The following FIG4 variants were observed in gnomAD, a reference collection of about 807,000 sequenced individuals.
FIG4 encodes the protein polyphosphoinositide phosphatase.
Under a neutral mutation model 118.6 loss-of-function variants are expected in FIG4, and 112 were observed. The ratio of observed to expected loss-of-function variants is 0.94; its 90% CI spans 0.81 to 1.11. The LOEUF (loss-of-function observed/expected upper bound fraction) is 1.11, where lower values mean the gene tolerates loss of function less well. Ranked by LOEUF, FIG4 falls within the 50% of genes least tolerant of loss-of-function variation. FIG4 has a pLI of 0.00. For missense variants in FIG4, 969 were observed against 1,111.7 expected (o/e 0.87, Z 1.83); for synonymous variants, 369 against 381.2 (o/e 0.97, Z 0.37).
At chr6:109,737,757 A>G (rs748199766) in intron 6 of FIG4, among the ~76,000 whole-genome samples, 18 of 152,202 alleles carry the variant, frequency 1.2e-4, no homozygotes, top group Admixed American at 5.9e-4. Context: ...GCCTGACATC[A>G]TAATAACTGC....
At chr6:109,743,026 A>C in intron 8 of FIG4, 84 bp from the exon 9 acceptor site, 1 of 1,184,062 alleles carries the variant, frequency 8.4e-7, no homozygotes, top group Non-Finnish European at 1.2e-6. Flanking sequence ...CATTGAAAGA[A>C]TAGGAATTAT....
intron 3 of FIG4, 148 bp downstream of exon 3, chr6:109,716,716 A>C (rs181402347): frequency 2.1e-6 from 2 of 934,324 alleles, no homozygotes; most frequent in Non-Finnish European, 3.4e-6. Context: ...TTATCCATCA[A>C]TCAGATAGCA....
At chr6:109,823,909 G>T (rs770274684) in intron 22 of FIG4, among the ~76,000 whole-genome samples, 6 of 152,130 alleles carry the variant, frequency 3.9e-5, no homozygotes, top group Non-Finnish European at 8.8e-5. Context: ...TTGTCATTGT[G>T]CCCCCCAGCC....
At chr6:109,713,769 G>A (rs1407036786) in intron 1 of FIG4, among the ~76,000 whole-genome samples, 5 of 152,118 alleles carry the variant, frequency 3.3e-5, no homozygotes, top group Non-Finnish European at 7.4e-5. Context: ...GGGTGGCCAT[G>A]GGGGCCACCC....
intron 16 of FIG4, among the ~76,000 whole-genome samples, chr6:109,778,848 C>T (rs112781338): frequency 0.01 from 1,553 of 152,268 alleles, 17 homozygotes; most frequent in South Asian, 0.02. Context: ...ATCTGCCCGC[C>T]TTGGCCTCCC....
At position 109,825,141 on chromosome 6, in the gene FIG4, G is replaced by A; in HGVS notation, c.2600G>A (p.Arg867Lys). The A allele has an allele frequency of 6.2e-7, 1 of 1,613,994 alleles. No homozygotes were observed. Among genetic ancestry groups the A allele is most frequent in the South Asian group, 1.1e-5 (1 of 91,066 alleles). Reference protein sequence around the residue: ...QDNIYEVQPPRVDRKSTEIFQ... With the variant: ...QDNIYEVQPPKVDRKSTEIFQ... The stretch of plus-strand genomic sequence containing the variant: ...AACATCTATGAAGTTCAGCCCCCAA[G>A]AGTAGACAGAAAATCTACAGAGATC... Residue 867 changes from arginine (R) to lysine (K), a missense_variant, in exon 23 of 23, where the codon AGA becomes AAA. Around this residue, in one of 3 missense-constraint regions of FIG4, gnomAD observed 330 missense variants for 348.1 expected, o/e 0.95. Transcript: ENST00000230124.
intron 1 of FIG4, among the ~76,000 whole-genome samples, chr6:109,696,325 A>G (rs1774717718): frequency 1.3e-5 from 2 of 152,216 alleles, no homozygotes; most frequent in African/African-American, 4.8e-5. Flanking sequence ...TTTGGTGCAA[A>G]AAAATTTTGA....
chr6:109,739,667 G>A (rs1196633972), intron 7 of FIG4, among the ~76,000 whole-genome samples: 1 of 152,060 alleles, frequency 6.6e-6, no homozygotes, highest in East Asian at 1.9e-4. Flanking sequence ...TTTGTCCAGC[G>A]CACTGTGAGG....
At chr6:109,697,079 A>G (rs965636951) in intron 1 of FIG4, among the ~76,000 whole-genome samples, 1 of 151,964 alleles carries the variant, frequency 6.6e-6, no homozygotes, top group Non-Finnish European at 1.5e-5. Flanking sequence ...TGGCTAACAC[A>G]GTGAAACCCC....
At chr6:109,691,944 C>T (rs1186461710) in intron 1 of FIG4, among the ~76,000 whole-genome samples, 1 of 152,176 alleles carries the variant, frequency 6.6e-6, no homozygotes, top group African/African-American at 2.4e-5. Context: ...CACTGCGATT[C>T]ATGTGAATTA....
intron 21 of FIG4, among the ~76,000 whole-genome samples, chr6:109,794,333 C>G (rs989323167): frequency 2.0e-5 from 3 of 152,194 alleles, no homozygotes; most frequent in Non-Finnish European, 4.4e-5. Context: ...GGATTTTAGG[C>G]TGTTCCCTCC....
chr6:109,692,215 C>T (rs1774482830), intron 1 of FIG4, among the ~76,000 whole-genome samples: 1 of 152,172 alleles, frequency 6.6e-6, no homozygotes, highest in South Asian at 2.1e-4. Context: ...TTGGTCCTTT[C>T]TGTGGGTGGA....
intron 10 of FIG4, among the ~76,000 whole-genome samples, chr6:109,757,180 T>G (rs1160643009): frequency 1.3e-5 from 1 of 77,296 alleles, no homozygotes; most frequent in Non-Finnish European, 3.7e-5. Flanking sequence ...TTTGAAGAGT[T>G]TTTCATGTCT....
chr6:109,703,572 A>T (rs1355107628), intron 1 of FIG4, among the ~76,000 whole-genome samples: 3 of 152,170 alleles, frequency 2.0e-5, no homozygotes, highest in Non-Finnish European at 4.4e-5. Context: ...AACAAACATA[A>T]AAAACTTTAC....
intron 18 of FIG4, 146 bp downstream of exon 18, chr6:109,786,595 G>A: frequency 3.7e-6 from 3 of 809,696 alleles, no homozygotes; most frequent in South Asian, 1.4e-5. Context: ...CTGTGATGGG[G>A]AGCCCACTAC....
At chr6:109,743,519 G>A (rs1776388825) in intron 9 of FIG4, 156 bp from the exon 10 acceptor site, 1 of 697,394 alleles carries the variant, frequency 1.4e-6, no homozygotes, top group African/African-American at 1.8e-5. Context: ...AATACATGAT[G>A]AATAAGTGTC....
chr6:109,820,329 G>C (rs977567695), intron 22 of FIG4, among the ~76,000 whole-genome samples: 1 of 152,116 alleles, frequency 6.6e-6, no homozygotes, highest in Non-Finnish European at 1.5e-5. Flanking sequence ...AACTCTTCTT[G>C]TACCTCTACT....
intron 22 of FIG4, among the ~76,000 whole-genome samples, chr6:109,799,383 C>T (rs778282297): frequency 3.9e-5 from 6 of 152,162 alleles, no homozygotes; most frequent in African/African-American, 9.7e-5. Flanking sequence ...TGTGCACGCA[C>T]GTGTGCACAG....
intron 22 of FIG4, among the ~76,000 whole-genome samples, chr6:109,804,914 AC>A (rs1778521853): frequency 6.6e-6 from 1 of 152,210 alleles, no homozygotes; most frequent in Non-Finnish European, 1.5e-5. Flanking sequence ...ATACCGTGAT[AC>A]TAATAACATT....
Sources: gnomAD v4.1 joint callset for allele counts (sites outside exome capture counted in the v4.1 genomes callset) on GRCh38, gnomAD v4.1.1 for gene constraint, gnomAD v4.1.1 regional missense constraint, MANE v1.5 for transcripts, NCBI Gene and HGNC (gene_info 2026-07-23, HGNC 2026-07-21) for gene names.